CDKN2B-AS1: variants seen among roughly 807,000 people sequenced by gnomAD.
CDKN2B-AS1 encodes CDKN2B and CDKN2A antisense cis and trans regulatory RNA 1.
intron 1 of CDKN2B-AS1, among the ~76,000 whole-genome samples, chr9:22,021,633 T>C (rs1011239990): frequency 1.3e-5 from 2 of 151,690 alleles, no homozygotes; most frequent in Admixed American, 6.6e-5. Context: ...CTTGTAGAGA[T>C]TTTTTTTTGT....
intron 1 of CDKN2B-AS1, among the ~76,000 whole-genome samples, chr9:22,028,440 A>T (rs544555101): frequency 2.6e-5 from 4 of 152,278 alleles, no homozygotes; most frequent in Admixed American, 2.0e-4. Context: ...TCAGTAGCTA[A>T]TACTAGCTAG....
rs565794722 is a variant in CDKN2B-AS1, at chr9:22,061,021, C to T, written n.438+4634C>T. Among the ~76,000 whole-genome samples, 5 of 152,204 alleles carry T rather than the reference C, an allele frequency of 3.3e-5. No homozygotes were observed. The East Asian group carries it at 9.6e-4, about 29-fold the overall frequency. On this transcript the variant is annotated intron_variant and non_coding_transcript_variant, in intron 4 of 4. Coordinates refer to ENST00000650946, the Ensembl canonical transcript of CDKN2B-AS1. ...ACACAGGCAAACCATATCACTATAC[C>T]ACAAGTTTTTTTAAAAAAACAAACT...
intron 1 of CDKN2B-AS1, among the ~76,000 whole-genome samples, chr9:22,037,078 A>G (rs1303842409): frequency 1.3e-5 from 2 of 152,044 alleles, no homozygotes; most frequent in African/African-American, 2.4e-5. Context: ...AGGATCATGC[A>G]TGCCTTATTC....
chr9:22,080,783 C>T (rs943094478), intron 4 of CDKN2B-AS1, among the ~76,000 whole-genome samples: 1 of 152,190 alleles, frequency 6.6e-6, no homozygotes, highest in Non-Finnish European at 1.5e-5. Context: ...TGACCACAGG[C>T]CACCAGACTG....
chr9:22,030,984 T>C (rs1229136596), intron 1 of CDKN2B-AS1: 1 of 152,206 alleles, frequency 6.6e-6, no homozygotes, highest in Admixed American at 6.5e-5. Flanking sequence ...ACAATGAATA[T>C]GTTTGTTTAG....
At chr9:22,054,425 A>G (rs1823473457) in intron 3 of CDKN2B-AS1, among the ~76,000 whole-genome samples, 1 of 152,164 alleles carries the variant, frequency 6.6e-6, no homozygotes, top group African/African-American at 2.4e-5. Flanking sequence ...GCCACAAACA[A>G]TTTCTTAGGA....
rs182266091 is a variant in CDKN2B-AS1, at chr9:22,116,912, T to A, written n.439-10191T>A. 5.6e-4 allele frequency among the ~76,000 whole-genome samples: 86 copies of A among 152,300 alleles called. 1 individual carries two copies. Among genetic ancestry groups the A allele is most frequent in the Admixed American group, 5.6e-3 (86 of 15,298 alleles). On this transcript the variant is annotated intron_variant and non_coding_transcript_variant, in intron 4 of 4. Transcript: ENST00000650946. ...CTAAAAGGAATATTATGACTACAGA[T>A]GTACATGAAGATTAAGCAGAACATG...
At chr9:22,087,636 T>C (rs1408245809) in intron 4 of CDKN2B-AS1, among the ~76,000 whole-genome samples, 1 of 152,246 alleles carries the variant, frequency 6.6e-6, no homozygotes, top group African/African-American at 2.4e-5. Flanking sequence ...AATAAAAGCA[T>C]GACTTGATTA....
intron 1 of CDKN2B-AS1, among the ~76,000 whole-genome samples, chr9:22,045,457 G>T (rs552247568): frequency 1.3e-5 from 2 of 152,114 alleles, no homozygotes; most frequent in African/African-American, 4.8e-5. Flanking sequence ...CTTATAGTTT[G>T]CTTTTGGCAC....
At chr9:22,088,635 A>G (rs573698343) in intron 4 of CDKN2B-AS1, among the ~76,000 whole-genome samples, 4 of 152,356 alleles carry the variant, frequency 2.6e-5, no homozygotes, top group African/African-American at 7.2e-5. Flanking sequence ...TAAGAGTGGT[A>G]TGTTAATTTA....
intron 4 of CDKN2B-AS1, among the ~76,000 whole-genome samples, chr9:22,062,955 TGTG>T (rs1321244430): frequency 1.9e-4 from 26 of 136,882 alleles, no homozygotes; most frequent in African/African-American, 5.2e-4. Flanking sequence ...AAAAGTGACT[TGTG>T]TGTGTGTGTG....
intron 1 of CDKN2B-AS1, among the ~76,000 whole-genome samples, chr9:22,025,316 A>G (rs530165680): frequency 3.9e-5 from 6 of 152,252 alleles, no homozygotes; most frequent in African/African-American, 1.2e-4. Context: ...CCTTGAGTCA[A>G]CTGCTGCTTA....
At chr9:22,107,887 G>A (rs897257858) in intron 4 of CDKN2B-AS1, among the ~76,000 whole-genome samples, 2 of 152,150 alleles carry the variant, frequency 1.3e-5, no homozygotes, top group Non-Finnish European at 2.9e-5. Flanking sequence ...AATGTATTAG[G>A]TAAGGCATTC....
At chr9:22,106,376 C>A (rs1390599947) in intron 4 of CDKN2B-AS1, among the ~76,000 whole-genome samples, 1 of 152,080 alleles carries the variant, frequency 6.6e-6, no homozygotes, top group Non-Finnish European at 1.5e-5. Context: ...CCACTGTGCC[C>A]GGCCTAATTT....
At chr9:22,051,141 T>C (rs1425720178) in intron 3 of CDKN2B-AS1, among the ~76,000 whole-genome samples, 3 of 152,188 alleles carry the variant, frequency 2.0e-5, no homozygotes, top group African/African-American at 7.2e-5. Context: ...GGCCTTCCTC[T>C]GGTTTGTGGG....
At position 22,001,779 on chromosome 9, in the gene CDKN2B-AS1, T is replaced by G. The variant is rs1333658531; in HGVS notation, n.29+6618T>G. Among the ~76,000 whole-genome samples, 1 of 152,056 alleles carries G rather than the reference T, an allele frequency of 6.6e-6. No homozygotes were observed. The highest frequency in any genetic ancestry group is 6.6e-5 in the Admixed American group (1 of 15,266). On this transcript the variant is annotated intron_variant and non_coding_transcript_variant, in intron 1 of 4. Transcript: ENST00000650946. This position sits in a 1 kb window ranked among gnomAD's most constrained non-coding sequence, Gnocchi z 4.2. ...TGGATAGCTGAAATTGAGAAACGTT[T>G]TATAGAAACTTTTCAGGTATGAAGG...
exon 5 of CDKN2B-AS1, among the ~76,000 whole-genome samples, chr9:22,127,991 T>C (rs1377420483): frequency 6.6e-6 from 1 of 152,206 alleles, no homozygotes; most frequent in Non-Finnish European, 1.5e-5. Context: ...TATTTAATCC[T>C]TCCATGTCTC....
At position 22,000,911 on chromosome 9, in the gene CDKN2B-AS1, T is replaced by G. The variant is rs1302667325; in HGVS notation, n.29+5750T>G. On this transcript the variant is annotated intron_variant and non_coding_transcript_variant, in intron 1 of 4. Transcript: ENST00000650946. This position sits in a 1 kb window ranked among gnomAD's most constrained non-coding sequence, Gnocchi z 4.1. ...GAGCTACCTAAATACCAGACACTCATTCTTGGTCCTGACTCCTACTCTGTT... is the reference window on the plus strand; with the variant it reads ...GAGCTACCTAAATACCAGACACTCAGTCTTGGTCCTGACTCCTACTCTGTT... Among the ~76,000 whole-genome samples, 1 of 152,168 alleles carries G rather than the reference T, an allele frequency of 6.6e-6. No individual in the cohort carries two copies. Among genetic ancestry groups the G allele is most frequent in the Non-Finnish European group, 1.5e-5 (1 of 67,994 alleles).
chr9:22,037,162 G>T (rs2131257840), intron 1 of CDKN2B-AS1, among the ~76,000 whole-genome samples: 1 of 152,234 alleles, frequency 6.6e-6, no homozygotes, highest in African/African-American at 2.4e-5. Flanking sequence ...TTCAAGAAAT[G>T]TGTGTTAGAG....
Sources: allele counts gnomAD v4.1 joint callset (sites outside exome capture counted in the v4.1 genomes callset), GRCh38; gene constraint gnomAD v4.1.1; non-coding constraint Gnocchi (gnomAD v3.1); transcripts MANE v1.5; gene names NCBI Gene and HGNC (gene_info 2026-07-23, HGNC 2026-07-21).